The following SWAP70 variants were observed in gnomAD, a reference collection of about 807,000 sequenced individuals.
SWAP70 encodes switching B cell complex subunit SWAP70.
In SWAP70, 34 loss-of-function variants were observed where a neutral mutation model predicts 80.2. The ratio of observed to expected loss-of-function variants is 0.42; its 90% CI spans 0.32 to 0.56. The LOEUF (loss-of-function observed/expected upper bound fraction) is 0.56, where lower values mean the gene tolerates loss of function less well. SWAP70 is among the 20% of genes least tolerant of loss of function. The probability of loss-of-function intolerance (pLI) is 0.09; values close to 1 mark genes in which losing one functional copy is unlikely to be tolerated. For missense variants in SWAP70, 578 were observed against 690.7 expected, an observed-to-expected ratio of 0.84 and a Z score of 1.83; for synonymous variants, 239 against 238.5, an observed-to-expected ratio of 1.00 and a Z score of -0.02.
chr11:9,710,702 A>G (rs1196326893), intron 2 of SWAP70, among the ~76,000 whole-genome samples: 2 of 137,628 alleles, frequency 1.5e-5, no homozygotes, highest in South Asian at 4.6e-4. Context: ...TTTTTTTATT[A>G]AGTGTCTTGC....
intron 7 of SWAP70, among the ~76,000 whole-genome samples, chr11:9,736,328 A>G (rs1851362183): frequency 6.6e-6 from 1 of 152,022 alleles, no homozygotes; most frequent in Admixed American, 6.5e-5. Context: ...TGAAGTCTTC[A>G]TATGCTAAAT....
Position 9,751,639 on chromosome 11 carries a change from A to G in SWAP70, c.*1669A>G, listed in dbSNP as rs1044498048. 1 of 152,246 alleles carries G rather than the reference A, an allele frequency of 6.6e-6. No homozygotes were observed. The highest frequency in any genetic ancestry group is 2.4e-5 in the African/African-American group (1 of 41,474). The allele number at this position is 152,246 out of a possible 1,614,324, so 9.4% of individuals were successfully genotyped here. ...AGAAAGCAATTCCAAATAGATGTAT[A>G]CATCTAGAGAGAGTGGTATTAGAGA... On this transcript the variant is annotated 3_prime_UTR_variant, in exon 12 of 12. Transcript: ENST00000318950.
intron 2 of SWAP70, among the ~76,000 whole-genome samples, chr11:9,695,731 G>A (rs1565117996): frequency 6.6e-6 from 1 of 150,470 alleles, no homozygotes; most frequent in Non-Finnish European, 1.5e-5. Flanking sequence ...ACAGGTATCC[G>A]TTTTTTTTTG....
At chr11:9,689,598 C>T (rs1850671309) in intron 1 of SWAP70, among the ~76,000 whole-genome samples, 1 of 152,158 alleles carries the variant, frequency 6.6e-6, no homozygotes, top group Non-Finnish European at 1.5e-5. Flanking sequence ...CTTGCAAACA[C>T]CCTGATTAGA....
chr11:9,671,549 GAAATATATAT>G (rs1484300048), intron 1 of SWAP70, among the ~76,000 whole-genome samples: 3,107 of 30,584 alleles, frequency 0.1, 115 homozygotes, highest in Non-Finnish European at 0.16. Flanking sequence ...GAAATATATA[GAAATATATAT>G]AAATATATTT....
At chr11:9,675,392 AGAGAGAGAGAGAGAG>A (rs1565111762) in intron 1 of SWAP70, among the ~76,000 whole-genome samples, 1 of 115,138 alleles carries the variant, frequency 8.7e-6, no homozygotes, top group Non-Finnish European at 1.8e-5. Flanking sequence ...AGAGAGAGAG[AGAGAGAGAGAGAGAG>A]AGAGAGAGAG....
chr11:9,723,961 A>G (rs1218279393), intron 3 of SWAP70, among the ~76,000 whole-genome samples: 1 of 151,830 alleles, frequency 6.6e-6, no homozygotes, highest in African/African-American at 2.4e-5. Flanking sequence ...TTTAGTAGAG[A>G]CAGGGTTTCG....
intron 2 of SWAP70, among the ~76,000 whole-genome samples, chr11:9,707,183 A>C (rs1296900790): frequency 6.6e-6 from 1 of 152,218 alleles, no homozygotes; most frequent in African/African-American, 2.4e-5. Flanking sequence ...TATATAATGT[A>C]AATTTATCCT....
At chr11:9,719,103 A>G (rs895326029) in intron 3 of SWAP70, among the ~76,000 whole-genome samples, 15 of 150,272 alleles carry the variant, frequency 1.0e-4, no homozygotes, top group Non-Finnish European at 2.1e-4. Context: ...CAAAAAAAAA[A>G]AAAAAAAGAT....
chr11:9,749,967 G>A lies in SWAP70; in HGVS notation c.1755G>A (p.Glu585=). 1 of 1,610,136 alleles carries A rather than the reference G, an allele frequency of 6.2e-7. No individual in the cohort carries two copies. Among genetic ancestry groups the A allele is most frequent in the East Asian group, 2.2e-5 (1 of 44,862 alleles). ...ACTGGAAAGAGAAAAAGACCACGGA[G>A]TGACTGAGCTTGCTGGCAGTCACGT... ...EKNWKEKKTT[E] The change falls in exon 12 of 12, where the codon GAG becomes GAA. Residue 585 remains glutamate (E), a synonymous_variant. Transcript: ENST00000318950.
At chr11:9,741,869 C>G (rs970524108) in intron 9 of SWAP70, 1 of 144,046 alleles carries the variant, frequency 6.9e-6, no homozygotes, top group Non-Finnish European at 1.5e-5. Flanking sequence ...TTTGGGAGGC[C>G]GAGGCTGGAG....
At chr11:9,690,702 A>G (rs1041026696) in intron 1 of SWAP70, among the ~76,000 whole-genome samples, 1 of 152,130 alleles carries the variant, frequency 6.6e-6, no homozygotes, top group Non-Finnish European at 1.5e-5. Flanking sequence ...GCCTGGGCAC[A>G]CATAGTGAGA....
At chr11:9,665,810 T>C (rs1022340746) in intron 1 of SWAP70, among the ~76,000 whole-genome samples, 3 of 152,234 alleles carry the variant, frequency 2.0e-5, no homozygotes, top group Non-Finnish European at 4.4e-5. Context: ...GGGGGAGTTA[T>C]GAGTAGGTCT....
intron 2 of SWAP70, among the ~76,000 whole-genome samples, chr11:9,704,311 C>T (rs1850871650): frequency 6.6e-6 from 1 of 151,738 alleles, no homozygotes; most frequent in South Asian, 2.1e-4. Context: ...TTAGATGCTT[C>T]TTGGGACCAC....
intron 7 of SWAP70, among the ~76,000 whole-genome samples, chr11:9,735,040 A>G (rs1338284345): frequency 1.3e-5 from 2 of 152,210 alleles, no homozygotes; most frequent in South Asian, 2.1e-4. Context: ...ATAAATTAAT[A>G]GATTTACTTA....
intron 3 of SWAP70, among the ~76,000 whole-genome samples, chr11:9,719,879 T>A (rs1339874926): frequency 6.6e-6 from 1 of 152,178 alleles, no homozygotes; most frequent in African/African-American, 2.4e-5. Flanking sequence ...CCTAAATAAA[T>A]AAAACCTATT....
intron 1 of SWAP70, among the ~76,000 whole-genome samples, chr11:9,691,260 T>C (rs1212713391): frequency 6.6e-6 from 1 of 152,182 alleles, no homozygotes; most frequent in African/African-American, 2.4e-5. Context: ...TTATAGACCT[T>C]ACTAACAGTG....
chr11:9,703,399 A>ACCAAGACCCTTCCTG (rs1312716951), intron 2 of SWAP70: 3 of 456,106 alleles, frequency 6.6e-6, no homozygotes, highest in African/African-American at 4.0e-5. Flanking sequence ...TCCCCAGATT[A>ACCAAGACCCTTCCTG]CCAAGACCCT....
chr11:9,745,943 G>C (rs1345805247), intron 9 of SWAP70, among the ~76,000 whole-genome samples: 1 of 152,222 alleles, frequency 6.6e-6, no homozygotes, highest in Admixed American at 6.5e-5. Flanking sequence ...AGGAATCACA[G>C]GGGGATGAGC....
Sources: gnomAD v4.1 joint callset for allele counts (sites outside exome capture counted in the v4.1 genomes callset) on GRCh38, gnomAD v4.1.1 for gene constraint, MANE v1.5 for transcripts, NCBI Gene and HGNC (gene_info 2026-07-23, HGNC 2026-07-21) for gene names.